CREBBP: variants seen among roughly 807,000 people sequenced by gnomAD.
CREBBP encodes CREB binding lysine acetyltransferase.
In CREBBP, 19 loss-of-function variants were observed where a neutral mutation model predicts 265.0. That is an observed-to-expected ratio of 0.07 (90% confidence interval 0.05 to 0.11). CREBBP has a LOEUF of 0.11. CREBBP is among the 10% of genes least tolerant of loss of function. CREBBP has a pLI of 1.00. For synonymous variants in CREBBP, 1,457 were observed against 1,223.7 expected (o/e 1.19, Z -3.98); for missense variants, 2,525 against 3,219.0 (o/e 0.78, Z 5.22).
At chr16:3,767,975 G>T in intron 15 of CREBBP, 66 bp from the exon 16 acceptor site, 1 of 1,490,882 alleles carries the variant, frequency 6.7e-7, no homozygotes, top group Non-Finnish European at 9.3e-7. Flanking sequence ...AACCTCACGG[G>T]AAGACTCTTA....
At chr16:3,849,413 GTGTGTGTGTGTGTGTGTGTGTGTGT>G (rs2054740443) in intron 2 of CREBBP, among the ~76,000 whole-genome samples, 1 of 5,830 alleles carries the variant, frequency 1.7e-4, no homozygotes, top group African/African-American at 2.0e-4. Context: ...GTGTGTGTGT[GTGTGTGTGTGTGTGTGTGTGTGTGT>G]GTGTGTGTGT....
intron 3 of CREBBP, among the ~76,000 whole-genome samples, chr16:3,800,054 G>T (rs976007918): frequency 6.6e-6 from 1 of 152,178 alleles, no homozygotes; most frequent in African/African-American, 2.4e-5. Flanking sequence ...TGGGTACTTT[G>T]TTACGTAAAG....
intron 2 of CREBBP, among the ~76,000 whole-genome samples, chr16:3,849,485 G>GTGTC (rs2054778661): frequency 8.2e-6 from 1 of 121,354 alleles, no homozygotes. Context: ...GTGTGTGTGT[G>GTGTC]TGTGATGTGC....
At position 3,729,168 on chromosome 16, in the gene CREBBP, C is replaced by G. The variant is rs759839179; in HGVS notation, c.5879G>C (p.Arg1960Pro). Residue 1960 changes from arginine (R) to proline (P), a missense_variant, in exon 31 of 31, where the codon CGG becomes CCG. By Grantham distance (103) the Arg-to-Pro change is moderately radical. Transcript: ENST00000262367. ...QPPPAAVEAA[R>P]QIEREAQQQQ... Reference sequence around the variant, plus strand: ...CTGCTGGGCCTCACGCTCGATCTGCCGAGCCGCTTCCACCGCTGCAGGAGG... The same window carrying G: ...CTGCTGGGCCTCACGCTCGATCTGCGGAGCCGCTTCCACCGCTGCAGGAGG... 2 of 1,535,796 alleles carry G rather than the reference C, an allele frequency of 1.3e-6. No homozygotes were observed.
intron 15 of CREBBP, 45 bp from the exon 16 acceptor site, chr16:3,767,954 T>TATGTTACC (rs2052898516): frequency 1.3e-6 from 2 of 1,583,788 alleles, no homozygotes; most frequent in African/African-American, 1.3e-5. Context: ...CAAACACCTT[T>TATGTTACC]ATGTTACCGC....
At chr16:3,856,844 C>G (rs905240515) in intron 1 of CREBBP, among the ~76,000 whole-genome samples, 30 of 152,170 alleles carry the variant, frequency 2.0e-4, no homozygotes, top group African/African-American at 7.0e-4. Flanking sequence ...ACCTAACTGG[C>G]TATTTTGAAC....
intron 2 of CREBBP, among the ~76,000 whole-genome samples, chr16:3,818,757 G>T (rs1194523851): frequency 6.6e-6 from 1 of 152,132 alleles, no homozygotes; most frequent in Non-Finnish European, 1.5e-5. Flanking sequence ...GGCTTTGGGG[G>T]GTGTCACTGA....
At chr16:3,769,023 A>C (rs2052932246) in intron 15 of CREBBP, 151 bp downstream of exon 15, 20 of 852,258 alleles carry the variant, frequency 2.3e-5, no homozygotes, top group Non-Finnish European at 3.8e-5. Context: ...GTTTTCAATC[A>C]ATTTCCTATA....
chr16:3,845,246 C>T (rs2054642405), intron 2 of CREBBP, among the ~76,000 whole-genome samples: 1 of 152,132 alleles, frequency 6.6e-6, no homozygotes, highest in Non-Finnish European at 1.5e-5. Flanking sequence ...TTTAAAAATT[C>T]TCCAGATAAA....
chr16:3,876,489 A>G (rs1172958884), intron 1 of CREBBP, among the ~76,000 whole-genome samples: 1 of 151,744 alleles, frequency 6.6e-6, no homozygotes, highest in Non-Finnish European at 1.5e-5. Context: ...ATACTGTTAA[A>G]TCATGAATCT....
intron 5 of CREBBP, among the ~76,000 whole-genome samples, chr16:3,787,961 AG>A (rs1442700951): frequency 2.0e-5 from 3 of 152,216 alleles, no homozygotes; most frequent in Non-Finnish European, 2.9e-5. Context: ...TACAGACGTT[AG>A]CCACTGCGTC....
intron 3 of CREBBP, among the ~76,000 whole-genome samples, chr16:3,800,784 G>A (rs2053697204): frequency 6.6e-6 from 1 of 152,146 alleles, no homozygotes; most frequent in South Asian, 2.1e-4. Flanking sequence ...AGCCCCATGG[G>A]CGACTCCAAT....
rs2141286195 is a variant in CREBBP, at chr16:3,793,573, G to T, written c.1029C>A (p.Gly343=). ...GIVPTQAIAT[G]PTADPEKRKL... ...TGCGTTTTTCAGGATCTGCAGTGGG[G>T]CCTGTTGCAATTGCTTGTGTGGGTA... Residue 343 remains glycine (G), a synonymous_variant, in exon 4 of 31, where the codon GGC becomes GGA. Transcript: ENST00000262367. The T allele has an allele frequency of 6.2e-7, 1 of 1,613,928 alleles. No homozygotes were observed. Among genetic ancestry groups the T allele is most frequent in the Non-Finnish European group, 8.5e-7 (1 of 1,180,014 alleles).
Position 3,782,764 on chromosome 16 carries a change from G to C in CREBBP, c.1493C>G (p.Thr498Arg). The part of the protein sequence containing the change: ...LGLPYMNQPQ[T>R]QLQPQVPGQQ... ...GCCAGGAACCTGAGGCTGCAGCTGCGTCTGGGGCTGGTTCATGTAGGGGAG... is the reference window on the plus strand; with the variant it reads ...GCCAGGAACCTGAGGCTGCAGCTGCCTCTGGGGCTGGTTCATGTAGGGGAG... Residue 498 changes from threonine (T) to arginine (R), a missense_variant, in exon 6 of 31, where the codon ACG (threonine) becomes AGG (arginine). Physicochemically the swap from Thr to Arg is moderately conservative, Grantham distance 71. Transcript: ENST00000262367. 1 of 1,614,170 alleles carries C rather than the reference G, an allele frequency of 6.2e-7. No individual in the cohort carries two copies. Among genetic ancestry groups the C allele is most frequent in the East Asian group, 2.2e-5 (1 of 44,874 alleles).
intron 1 of CREBBP, among the ~76,000 whole-genome samples, chr16:3,874,554 T>A (rs1426569269): frequency 6.6e-6 from 1 of 152,206 alleles, no homozygotes; most frequent in African/African-American, 2.4e-5. Flanking sequence ...CTTGAGTAGT[T>A]GCAACAAGAG....
chr16:3,857,405 C>T (rs886896720), intron 1 of CREBBP, among the ~76,000 whole-genome samples: 3 of 152,198 alleles, frequency 2.0e-5, no homozygotes, highest in Non-Finnish European at 4.4e-5. Flanking sequence ...AGGGCGCACA[C>T]GTAGTCGTAC....
rs1305077818 is a variant in CREBBP, at chr16:3,731,592, T to C, written c.4891-119A>G. 5.4e-5 allele frequency: 77 copies of C among 1,435,024 alleles called. No homozygotes were observed. The highest frequency in any genetic ancestry group is 7.3e-5 in the Non-Finnish European group (76 of 1,041,860). The allele number at this position is 1,435,024 out of a possible 1,614,324, so 88.9% of individuals were successfully genotyped here. ...GGCAGGTGGCTGAGCCTGATGGCCC[T>C]GATGCCTTGGGATGGAACAAAATTG... On this transcript the variant is annotated intron_variant, in intron 29 of 30. Transcript: ENST00000262367. This position sits in a 1 kb window ranked among gnomAD's most constrained non-coding sequence, Gnocchi z 7.7.
At chr16:3,861,996 C>CCAG (rs2055085917) in intron 1 of CREBBP, among the ~76,000 whole-genome samples, 1 of 152,146 alleles carries the variant, frequency 6.6e-6, no homozygotes, top group South Asian at 2.1e-4. Flanking sequence ...CCTCTCCTCC[C>CCAG]CAGGAGAAGG....
intron 2 of CREBBP, among the ~76,000 whole-genome samples, chr16:3,843,479 G>C (rs1249423464): frequency 6.8e-6 from 1 of 146,310 alleles, no homozygotes; most frequent in Non-Finnish European, 1.5e-5. Flanking sequence ...TGATTGTAGT[G>C]GTGTGATCAT....
Sources: gnomAD v4.1 joint callset for allele counts (sites outside exome capture counted in the v4.1 genomes callset) on GRCh38, gnomAD v4.1.1 for gene constraint, Gnocchi (gnomAD v3.1) non-coding constraint, MANE v1.5 for transcripts, NCBI Gene and HGNC (gene_info 2026-07-23, HGNC 2026-07-21) for gene names.